The following TRPM2 variants were observed in gnomAD, a reference collection of about 807,000 sequenced individuals.
TRPM2 encodes the protein estrogen-responsive element-associated gene 1 protein.
Under a neutral mutation model 174.0 loss-of-function variants are expected in TRPM2, and 161 were observed. The ratio of observed to expected loss-of-function variants is 0.93; its 90% CI spans 0.81 to 1.05. The LOEUF (loss-of-function observed/expected upper bound fraction) is 1.05. Among genes scored for constraint, TRPM2 ranks in the 50% least tolerant of loss-of-function variants. TRPM2 has a pLI of 0.00. For missense variants in TRPM2, 2,057 were observed against 2,038.0 expected, an observed-to-expected ratio of 1.01 and a Z score of -0.18; for synonymous variants, 954 against 861.3, an observed-to-expected ratio of 1.11 and a Z score of -1.88.
rs1569106178 is a variant in TRPM2, at chr21:44,425,782, C to T, written c.3750C>T (p.Cys1250=). Residue 1250 remains cysteine (C), a synonymous_variant, in exon 25 of 32, where the codon TGC becomes TGT. Coordinates refer to ENST00000397928, the MANE Select transcript of TRPM2 (RefSeq NM_003307.4). ...VNARHLLYPN[C]PVTRFPVPNE... is the part of the protein sequence containing the mutation. ...CCCGGCACCTCCTCTACCCCAACTG[C>T]CCTGTCACGCGCTTCCCCGTGCCCA... 1.3e-6 allele frequency: 2 copies of T among 1,592,618 alleles called. No homozygotes were observed. Among genetic ancestry groups the T allele is most frequent in the Middle Eastern group, 2.1e-4 (1 of 4,864 alleles).
chr21:44,425,650 G>C lies in TRPM2; in HGVS notation c.3638-20G>C. On this transcript the variant is annotated intron_variant, in intron 24 of 31. Coordinates refer to ENST00000397928, the MANE Select transcript of TRPM2 (RefSeq NM_003307.4). Reference sequence around the variant, plus strand: ...GAGCCCGGGCTCCGCCTTGCGTCACGTCTTCCTGACTGTCCCCAGCCTCCC... The same window carrying C: ...GAGCCCGGGCTCCGCCTTGCGTCACCTCTTCCTGACTGTCCCCAGCCTCCC... 6.8e-7 allele frequency: 1 copy of C among 1,480,750 alleles called. No individual in the cohort carries two copies. The highest frequency in any genetic ancestry group is 9.0e-7 in the Non-Finnish European group (1 of 1,105,124). The allele number at this position is 1,480,750 out of a possible 1,614,324, so 91.7% of individuals were successfully genotyped here.
chr21:44,413,641 C>G (rs1450449848), intron 19 of TRPM2, among the ~76,000 whole-genome samples: 1 of 152,168 alleles, frequency 6.6e-6, no homozygotes, highest in Non-Finnish European at 1.5e-5. Context: ...GGGTGGCACA[C>G]CCTGGGCGGA....
chr21:44,427,210 C>G (rs1223326185), intron 27 of TRPM2, 99 bp downstream of exon 27: 6 of 1,092,400 alleles, frequency 5.5e-6, no homozygotes, highest in Non-Finnish European at 7.7e-6. Context: ...TCTCATAAAA[C>G]AAAATCAAAA....
rs757471246 is a variant in TRPM2, at chr21:44,440,855, A to C, written c.4336A>C (p.Ser1446Arg). 6.2e-7 allele frequency: 1 copy of C among 1,613,924 alleles called. No homozygotes were observed. Among genetic ancestry groups the C allele is most frequent in the South Asian group, 1.1e-5 (1 of 91,080 alleles). The change falls in exon 31 of 32, where the codon AGC becomes CGC. Residue 1446 changes from serine (S) to arginine (R), a missense_variant. Coordinates refer to ENST00000397928, the MANE Select transcript of TRPM2 (RefSeq NM_003307.4). ...DNAWIETVAV[S>R]VHFQDQNDVE... is the part of the protein sequence containing the mutation. ...TGCCTGGATCGAGACGGTGGCCGTC[A>C]GCGTCCACTTCCAGGACCAGAATGA...
intron 27 of TRPM2, among the ~76,000 whole-genome samples, chr21:44,427,341 C>T (rs1031706434): frequency 6.6e-6 from 1 of 152,196 alleles, no homozygotes; most frequent in Non-Finnish European, 1.5e-5. Context: ...GCCCCATGGT[C>T]CCTGCCGTAA....
intron 11 of TRPM2, among the ~76,000 whole-genome samples, chr21:44,393,019 C>G (rs968672472): frequency 5.3e-5 from 8 of 152,076 alleles, no homozygotes; most frequent in South Asian, 4.1e-4. Flanking sequence ...GAACCCTGCT[C>G]TAATCTCCAC....
upstream of TRPM2, chr21:44,353,452 C>T (rs1019029108): frequency 1.4e-4 from 59 of 418,514 alleles, no homozygotes; most frequent in African/African-American, 1.1e-3. Flanking sequence ...CCAGAGTGTC[C>T]GGGGGCCCCA....
At chr21:44,368,620 C>T (rs1316452885) in intron 4 of TRPM2, among the ~76,000 whole-genome samples, 10 of 150,880 alleles carry the variant, frequency 6.6e-5, no homozygotes, top group African/African-American at 1.9e-4. Flanking sequence ...TTAGTAGAGA[C>T]GGGGTTTCAC....
intron 5 of TRPM2, among the ~76,000 whole-genome samples, chr21:44,374,721 A>G (rs1172037400): frequency 2.6e-5 from 4 of 152,136 alleles, no homozygotes; most frequent in African/African-American, 9.7e-5. Flanking sequence ...GAGCTCGGAC[A>G]GTCACACACA....
intron 2 of TRPM2, among the ~76,000 whole-genome samples, chr21:44,355,636 T>C (rs2146111192): frequency 6.6e-6 from 1 of 152,302 alleles, no homozygotes; most frequent in Non-Finnish European, 1.5e-5. Flanking sequence ...GCTGCTGAGC[T>C]TCTGGGGGGC....
chr21:44,388,862 AG>A (rs572600826), intron 9 of TRPM2, among the ~76,000 whole-genome samples: 1 of 152,122 alleles, frequency 6.6e-6, no homozygotes, highest in South Asian at 2.1e-4. Context: ...CAACCCAAAA[AG>A]TTAAGATGGT....
chr21:44,370,247 C>T (rs1001519317), intron 5 of TRPM2, among the ~76,000 whole-genome samples: 1 of 152,102 alleles, frequency 6.6e-6, no homozygotes, highest in African/African-American at 2.4e-5. Flanking sequence ...GATCCGACCC[C>T]GAACCGGAGC....
chr21:44,425,028 G>T (rs972855230), intron 24 of TRPM2, 89 bp downstream of exon 24: 5 of 1,192,462 alleles, frequency 4.2e-6, no homozygotes, highest in Admixed American at 4.3e-5. Context: ...AGCTGGGGGT[G>T]GGGGGCTCTG....
chr21:44,381,621 G>A (rs1200045174), intron 8 of TRPM2, among the ~76,000 whole-genome samples: 2 of 151,994 alleles, frequency 1.3e-5, no homozygotes, highest in African/African-American at 2.4e-5. Context: ...TGATAAAATG[G>A]ATGGACTGGG....
chr21:44,428,495 CCCCTGAGGTGTGGCTCCT>C (rs1348549402), intron 27 of TRPM2, among the ~76,000 whole-genome samples: 243 of 147,518 alleles, frequency 1.6e-3, no homozygotes, highest in African/African-American at 5.4e-3. Context: ...TGTGGCTCCT[CCCCTGAGGTGTGGCTCCT>C]CCCTGAGGTG....
intron 5 of TRPM2, among the ~76,000 whole-genome samples, chr21:44,375,453 G>A (rs759907019): frequency 2.0e-5 from 3 of 152,152 alleles, no homozygotes; most frequent in Non-Finnish European, 2.9e-5. Context: ...GGTCTCTCAC[G>A]TGTCTGGAGG....
intron 15 of TRPM2, among the ~76,000 whole-genome samples, chr21:44,401,027 T>A (rs1308725418): frequency 6.6e-6 from 1 of 152,108 alleles, no homozygotes; most frequent in East Asian, 1.9e-4. Flanking sequence ...CTCCTTCCCT[T>A]TCTCCTCACG....
At position 44,441,776 on chromosome 21, in the gene TRPM2, C is replaced by G. The variant is rs766620549; in HGVS notation, c.4471C>G (p.Leu1491Val). The G allele has an allele frequency of 4.3e-6, 7 of 1,611,334 alleles. No homozygotes were observed. The Admixed American group carries it at 1.2e-4, about 27-fold the overall frequency. ...RIPLYANHKTLLQKAAAEFGA... is the reference protein window; with the variant it reads ...RIPLYANHKTVLQKAAAEFGA... ...CCCACTCTATGCGAACCACAAGACC[C>G]TCCTCCAGAAGGCAGCCGCTGAGTT... The change falls in exon 32 of 32, where the codon CTC becomes GTC. Residue 1491 changes from leucine (L) to valine (V), a missense_variant. Physicochemically the swap from Leu to Val is conservative, Grantham distance 32 (BLOSUM62 1). Coordinates refer to ENST00000397928, the MANE Select transcript of TRPM2 (RefSeq NM_003307.4).
intron 4 of TRPM2, among the ~76,000 whole-genome samples, chr21:44,368,379 T>C (rs2048417761): frequency 6.6e-6 from 1 of 151,806 alleles, no homozygotes; most frequent in South Asian, 2.1e-4. Context: ...AGTGCTGGGA[T>C]AACAGGCGTG....
Sources: gnomAD v4.1 joint callset for allele counts (sites outside exome capture counted in the v4.1 genomes callset) on GRCh38, gnomAD v4.1.1 for gene constraint, MANE v1.5 for transcripts, NCBI Gene and HGNC (gene_info 2026-07-23, HGNC 2026-07-21) for gene names.